The following SLC35F3 variants were observed in gnomAD, a reference collection of about 807,000 sequenced individuals.
SLC35F3 encodes the protein putative thiamine transporter SLC35F3.
SLC35F3 carries 25 observed loss-of-function variants against 49.9 expected under a neutral mutation model. That is an observed-to-expected ratio of 0.50 (90% CI 0.37 to 0.70). The LOEUF (loss-of-function observed/expected upper bound fraction) is 0.70. Among genes scored for constraint, SLC35F3 ranks in the 30% least tolerant of loss-of-function variants. The pLI is 0.00. For synonymous variants in SLC35F3, 275 were observed against 265.4 expected, an observed-to-expected ratio of 1.04 and a Z score of -0.35; for missense variants, 525 against 639.8, an observed-to-expected ratio of 0.82 and a Z score of 1.94.
At chr1:233,998,326 A>C (rs1663496246) in intron 2 of SLC35F3, among the ~76,000 whole-genome samples, 2 of 152,108 alleles carry the variant, frequency 1.3e-5, no homozygotes, top group South Asian at 4.1e-4. Flanking sequence ...ATATGATAGC[A>C]TCTAATTATA....
At chr1:234,316,518 C>A (rs777795361) in intron 4 of SLC35F3, 84 bp from the exon 5 acceptor site, 56 of 1,512,794 alleles carry the variant, frequency 3.7e-5, no homozygotes, top group Non-Finnish European at 8.0e-6. Context: ...GAACCCCACG[C>A]ACATTTCCAG....
intron 2 of SLC35F3, among the ~76,000 whole-genome samples, chr1:234,060,510 A>G (rs1329797788): frequency 2.0e-5 from 3 of 152,140 alleles, no homozygotes; most frequent in Non-Finnish European, 4.4e-5. Context: ...GCAGTAGCAC[A>G]ATCTCAGCTC....
chr1:234,114,177 C>A (rs1665449783), intron 2 of SLC35F3, among the ~76,000 whole-genome samples: 1 of 152,146 alleles, frequency 6.6e-6, no homozygotes, highest in African/African-American at 2.4e-5. Context: ...CCACTGCATG[C>A]CATTAATAGA....
At chr1:234,043,942 T>A (rs73102416) in intron 2 of SLC35F3, among the ~76,000 whole-genome samples, 11,648 of 152,210 alleles carry the variant, frequency 0.077, 1,195 homozygotes, top group African/African-American at 0.23. Flanking sequence ...TGCTATGGTT[T>A]GCATACGCTT....
chr1:234,285,295 C>T, intron 3 of SLC35F3: 1 of 470,968 alleles, frequency 2.1e-6, no homozygotes, highest in South Asian at 1.5e-5. Flanking sequence ...AAGAATGGGT[C>T]TCTTGTTGAA....
intron 2 of SLC35F3, among the ~76,000 whole-genome samples, chr1:233,908,189 A>G (rs1324272140): frequency 6.6e-6 from 1 of 151,774 alleles, no homozygotes; most frequent in Non-Finnish European, 1.5e-5. Context: ...AAAAAAAACA[A>G]AACAAAGACA....
At chr1:233,970,680 A>T (rs56926550) in intron 2 of SLC35F3, among the ~76,000 whole-genome samples, 7,986 of 152,236 alleles carry the variant, frequency 0.052, 674 homozygotes, top group African/African-American at 0.18. Flanking sequence ...CTTGTGTCTT[A>T]ATAAGAAGAG....
At chr1:234,208,343 AC>A (rs1667004942) in intron 2 of SLC35F3, among the ~76,000 whole-genome samples, 1 of 152,236 alleles carries the variant, frequency 6.6e-6, no homozygotes, top group Non-Finnish European at 1.5e-5. Context: ...TAGATGTCGT[AC>A]ATGTGAACCA....
chr1:233,953,867 T>G (rs1450238457), intron 2 of SLC35F3, among the ~76,000 whole-genome samples: 1 of 152,154 alleles, frequency 6.6e-6, no homozygotes, highest in Non-Finnish European at 1.5e-5. Context: ...AAGAAATGTG[T>G]AGACCATGGG....
chr1:233,946,011 T>C (rs1662508254), intron 2 of SLC35F3, among the ~76,000 whole-genome samples: 1 of 152,244 alleles, frequency 6.6e-6, no homozygotes, highest in Admixed American at 6.5e-5. Context: ...TCAGAACTTC[T>C]TAAAGAGACC....
chr1:234,064,952 G>C (rs180858793), intron 2 of SLC35F3, among the ~76,000 whole-genome samples: 21 of 152,294 alleles, frequency 1.4e-4, no homozygotes, highest in African/African-American at 5.1e-4. Flanking sequence ...TCTTTTATAA[G>C]AGGTAAAAAG....
chr1:234,167,460 A>G (rs1387662562), intron 2 of SLC35F3, among the ~76,000 whole-genome samples: 1 of 152,178 alleles, frequency 6.6e-6, no homozygotes, highest in Non-Finnish European at 1.5e-5. Context: ...CCCCAAATCC[A>G]TGGCTCCTCA....
intron 2 of SLC35F3, among the ~76,000 whole-genome samples, chr1:234,172,626 C>T (rs570414342): frequency 4.0e-4 from 61 of 152,286 alleles, no homozygotes; most frequent in Admixed American, 1.4e-3. Flanking sequence ...AACATCATAG[C>T]GAGCACTCAC....
At chr1:234,316,930 C>A (rs1371935282) in intron 5 of SLC35F3, among the ~76,000 whole-genome samples, 3 of 152,234 alleles carry the variant, frequency 2.0e-5, no homozygotes, top group African/African-American at 7.2e-5. Flanking sequence ...TGCCACTGCT[C>A]TTGGCTTTGG....
At chr1:234,108,719 ATATATAAATATATATATCTTT>A (rs1558231780) in intron 2 of SLC35F3, among the ~76,000 whole-genome samples, 1 of 72,254 alleles carries the variant, frequency 1.4e-5, no homozygotes, top group Non-Finnish European at 2.5e-5. Context: ...TATAAAAGAT[ATATATAAATATATATATCTTT>A]TATATATAAA....
chr1:233,956,190 G>C (rs1218831349), intron 2 of SLC35F3, among the ~76,000 whole-genome samples: 1 of 152,028 alleles, frequency 6.6e-6, no homozygotes, highest in Non-Finnish European at 1.5e-5. Context: ...GCCCAGCCCT[G>C]CAAACTATTA....
intron 2 of SLC35F3, among the ~76,000 whole-genome samples, chr1:234,221,846 T>C (rs889039272): frequency 6.6e-6 from 1 of 152,146 alleles, no homozygotes; most frequent in Non-Finnish European, 1.5e-5. Flanking sequence ...AGAAAGAGGA[T>C]TATAATAGAT....
chr1:234,263,264 G>A (rs192795374), intron 3 of SLC35F3, among the ~76,000 whole-genome samples: 212 of 152,106 alleles, frequency 1.4e-3, no homozygotes, highest in African/African-American at 4.9e-3. Flanking sequence ...TATTTAGGAT[G>A]GGGAACTTAA....
At chr1:234,037,229 A>G (rs1447245882) in intron 2 of SLC35F3, among the ~76,000 whole-genome samples, 3 of 152,126 alleles carry the variant, frequency 2.0e-5, no homozygotes, top group Non-Finnish European at 4.4e-5. Context: ...GGTGGAGGGG[A>G]GCAGGCATCA....
Sources: gnomAD v4.1 joint callset for allele counts (sites outside exome capture counted in the v4.1 genomes callset) on GRCh38, gnomAD v4.1.1 for gene constraint, MANE v1.5 for transcripts, NCBI Gene and HGNC (gene_info 2026-07-23, HGNC 2026-07-21) for gene names.